Variants in ZFAND3 observed in about 807,000 individuals in gnomAD.
The protein encoded by ZFAND3 is AN1-type zinc finger protein 3.
A neutral mutation model predicts 29.6 loss-of-function variants in ZFAND3; 10 were observed. The ratio of observed to expected loss-of-function variants is 0.34; its 90% CI spans 0.21 to 0.57. The LOEUF (loss-of-function observed/expected upper bound fraction) is 0.57, where lower values mean the gene tolerates loss of function less well. Among genes scored for constraint, ZFAND3 ranks in the 20% least tolerant of loss-of-function variants. ZFAND3 has a pLI of 0.86. For missense variants in ZFAND3, 230 were observed against 304.5 expected (o/e 0.76, Z 1.82); for synonymous variants, 128 against 112.6 (o/e 1.14, Z -0.87).
chr6:38,100,341 C>T (rs564598067), intron 4 of ZFAND3, among the ~76,000 whole-genome samples: 1 of 152,288 alleles, frequency 6.6e-6, no homozygotes, highest in East Asian at 1.9e-4. Context: ...GGATTACAGG[C>T]GTGAGCCACC....
At chr6:37,869,972 G>A (rs1047071241) in intron 1 of ZFAND3, among the ~76,000 whole-genome samples, 1 of 151,928 alleles carries the variant, frequency 6.6e-6, no homozygotes, top group South Asian at 2.1e-4. Context: ...AGAATCTTGG[G>A]AGATTTTATA....
intron 1 of ZFAND3, among the ~76,000 whole-genome samples, chr6:37,825,824 T>TA (rs1056214404): frequency 2.6e-5 from 4 of 152,170 alleles, no homozygotes; most frequent in Admixed American, 2.6e-4. Flanking sequence ...ATAAAGTCCT[T>TA]AAAAAGAAAC....
At chr6:37,835,994 A>G (rs1763961603) in intron 1 of ZFAND3, among the ~76,000 whole-genome samples, 1 of 152,204 alleles carries the variant, frequency 6.6e-6, no homozygotes, top group Admixed American at 6.5e-5. Context: ...GGGCTTATGG[A>G]CAATCTAAGT....
intron 4 of ZFAND3, among the ~76,000 whole-genome samples, chr6:38,098,632 C>CT (rs1765029970): frequency 6.6e-6 from 1 of 151,958 alleles, no homozygotes; most frequent in Non-Finnish European, 1.5e-5. Context: ...TCCCAAGTAG[C>CT]TGGGATTACA....
At chr6:37,988,222 T>G (rs1762702591) in intron 2 of ZFAND3, among the ~76,000 whole-genome samples, 1 of 152,242 alleles carries the variant, frequency 6.6e-6, no homozygotes, top group South Asian at 2.1e-4. Context: ...GCCTGTGTGA[T>G]TAATGCTTTT....
rs143879037 is a variant in ZFAND3 at position 37,971,315 on chromosome 6, G to C, written c.112+41316G>C. 2.9e-4 allele frequency among the ~76,000 whole-genome samples: 44 copies of C among 152,252 alleles called. 1 individual carries two copies. The East Asian group carries it at 7.5e-3, about 26-fold the overall frequency. On this transcript the variant is annotated intron_variant, in intron 2 of 5. Coordinates refer to ENST00000287218, the MANE Select transcript of ZFAND3 (RefSeq NM_021943.3). Reference sequence around the variant, plus strand: ...TTAAATTGAAGAGATACTATTCTGTGTATCTTTGCAGGCGAATGAGTCCTA... The same window carrying C: ...TTAAATTGAAGAGATACTATTCTGTCTATCTTTGCAGGCGAATGAGTCCTA...
rs572840772 is a variant in ZFAND3 at position 37,850,944 on chromosome 6, C to T, written c.71+30928C>T. On this transcript the variant is annotated intron_variant, in intron 1 of 5. Coordinates refer to ENST00000287218, the MANE Select transcript of ZFAND3 (RefSeq NM_021943.3). Reference sequence around the variant, plus strand: ...CTCTGTTTCCCACCCCATTAGTCACCAAATTGATTTTCTTGGTTTTATCTG... The same window carrying T: ...CTCTGTTTCCCACCCCATTAGTCACTAAATTGATTTTCTTGGTTTTATCTG... Among the ~76,000 whole-genome samples, 470 of 151,790 alleles carry T rather than the reference C, an allele frequency of 3.1e-3. 3 individuals carry two copies. Among genetic ancestry groups the T allele is most frequent in the African/African-American group, 0.011 (447 of 41,406 alleles).
intron 5 of ZFAND3, among the ~76,000 whole-genome samples, chr6:38,134,248 T>A (rs1270095828): frequency 6.6e-6 from 1 of 152,252 alleles, no homozygotes; most frequent in Non-Finnish European, 1.5e-5. Context: ...TCCGTTCTCC[T>A]GAGTGCTAAT....
chr6:37,874,333 C>CG (rs1008751064), intron 1 of ZFAND3, among the ~76,000 whole-genome samples: 1 of 152,006 alleles, frequency 6.6e-6, no homozygotes, highest in Admixed American at 6.5e-5. Context: ...CTGATCAACA[C>CG]GGAGAAACCT....
intron 5 of ZFAND3, among the ~76,000 whole-genome samples, chr6:38,118,621 GCTT>G (rs750054754): frequency 2.7e-5 from 4 of 150,678 alleles, no homozygotes; most frequent in Admixed American, 6.7e-5. Context: ...AGTGGCTAAT[GCTT>G]CTTCTTCTTG....
chr6:37,909,620 CTT>C (rs34105026), intron 1 of ZFAND3, among the ~76,000 whole-genome samples: 13,291 of 122,916 alleles, frequency 0.11, 1,437 homozygotes, highest in East Asian at 0.3. Context: ...GTTCAGAATT[CTT>C]TTTTTTTTTT....
intron 1 of ZFAND3, among the ~76,000 whole-genome samples, chr6:37,846,126 C>G (rs1764173361): frequency 6.6e-6 from 1 of 152,170 alleles, no homozygotes; most frequent in Admixed American, 6.5e-5. Context: ...AGCCCTGATT[C>G]ATCATTTGTA....
chr6:37,970,913 CA>C (rs1343032323), intron 2 of ZFAND3, among the ~76,000 whole-genome samples: 2 of 131,126 alleles, frequency 1.5e-5, no homozygotes, highest in Non-Finnish European at 1.8e-5. Flanking sequence ...TCAAAACAAA[CA>C]AACCAAACAA....
At chr6:38,151,982 C>G (rs1766236156) in intron 5 of ZFAND3, among the ~76,000 whole-genome samples, 1 of 152,156 alleles carries the variant, frequency 6.6e-6, no homozygotes, top group African/African-American at 2.4e-5. Flanking sequence ...TCGCAGCCAT[C>G]AACTTAGGGT....
chr6:37,884,222 G>C, intron 1 of ZFAND3, among the ~76,000 whole-genome samples: 1 of 144,874 alleles, frequency 6.9e-6, no homozygotes, highest in South Asian at 2.1e-4. Context: ...GGCTGGATGC[G>C]GTGGCTCACG....
At chr6:37,917,545 T>C (rs1761282915) in intron 1 of ZFAND3, among the ~76,000 whole-genome samples, 1 of 152,234 alleles carries the variant, frequency 6.6e-6, no homozygotes, top group Middle Eastern at 3.2e-3. Flanking sequence ...TTAAGTCTTT[T>C]TGAGGCAGAG....
chr6:38,028,016 A>G (rs763146907), intron 2 of ZFAND3, among the ~76,000 whole-genome samples: 4 of 152,196 alleles, frequency 2.6e-5, no homozygotes, highest in African/African-American at 9.7e-5. Context: ...GCTCTTGTCA[A>G]GTTGTCTGCT....
intron 5 of ZFAND3, among the ~76,000 whole-genome samples, chr6:38,125,550 T>C (rs1159734783): frequency 6.6e-6 from 1 of 152,186 alleles, no homozygotes; most frequent in East Asian, 1.9e-4. Context: ...CATCCCATAC[T>C]GACAGGTATG....
intron 1 of ZFAND3, among the ~76,000 whole-genome samples, chr6:37,893,305 A>G (rs951088754): frequency 6.6e-6 from 1 of 152,248 alleles, no homozygotes; most frequent in Non-Finnish European, 1.5e-5. Context: ...CAATTAATGT[A>G]ATACATCAAC....
Sources: gnomAD v4.1 joint callset for allele counts (sites outside exome capture counted in the v4.1 genomes callset) on GRCh38, gnomAD v4.1.1 for gene constraint, MANE v1.5 for transcripts, NCBI Gene and HGNC (gene_info 2026-07-23, HGNC 2026-07-21) for gene names.